Variants in KIF24 observed in about 807,000 individuals in gnomAD.
KIF24 encodes kinesin family member 24.
In KIF24, 81 loss-of-function variants were observed where a neutral mutation model predicts 118.9. The observed-to-expected ratio is 0.68, with a 90% confidence interval of 0.57 to 0.82. The LOEUF is 0.82. Among genes scored for constraint, KIF24 ranks in the 40% least tolerant of loss-of-function variants. The pLI, the probability that KIF24 is intolerant of heterozygous loss-of-function variation, is 0.00. For synonymous variants in KIF24, 599 were observed against 610.0 expected (o/e 0.98, Z 0.27); for missense variants, 1,560 against 1,661.6 (o/e 0.94, Z 1.06).
intron 3 of KIF24, among the ~76,000 whole-genome samples, 153 bp from the exon 4 acceptor site, chr9:34,297,267 T>C (rs574016204): frequency 6.6e-6 from 1 of 152,234 alleles, no homozygotes; most frequent in African/African-American, 2.4e-5. Context: ...CACTATTAAA[T>C]GACAGGGCCT....
At chr9:34,311,765 T>TATATATAC (rs1563961653) in intron 1 of KIF24, among the ~76,000 whole-genome samples, 3 of 145,110 alleles carry the variant, frequency 2.1e-5, no homozygotes, top group African/African-American at 7.6e-5. Context: ...TGTGTATATA[T>TATATATAC]ACATATATAT....
upstream of KIF24, among the ~76,000 whole-genome samples, chr9:34,331,382 G>A (rs748594645): frequency 2.0e-5 from 3 of 152,336 alleles, no homozygotes; most frequent in South Asian, 6.2e-4. Context: ...CAAAGTAGGT[G>A]TTAACTTCAT....
intron 9 of KIF24, among the ~76,000 whole-genome samples, chr9:34,262,370 T>A (rs572697078): frequency 2.2e-4 from 33 of 152,152 alleles, no homozygotes; most frequent in African/African-American, 7.2e-4. Context: ...AGGCTGAGTA[T>A]CCCTTCTCCG....
chr9:34,286,833 T>A (rs1479750565), intron 5 of KIF24, 129 bp from the exon 6 acceptor site: 3 of 667,486 alleles, frequency 4.5e-6, no homozygotes, highest in Non-Finnish European at 8.0e-6. Flanking sequence ...TGGATGCTTA[T>A]CCTCCTCCCA....
chr9:34,280,753 A>G (rs1456884011), intron 6 of KIF24, among the ~76,000 whole-genome samples: 1 of 152,326 alleles, frequency 6.6e-6, no homozygotes, highest in East Asian at 1.9e-4. Context: ...CAGGAATCTA[A>G]TAACGCAAAC....
At position 34,257,521 on chromosome 9, in the gene KIF24, G is replaced by T; in HGVS notation, c.2086C>A (p.Arg696Ser). ...RASGPGEGLV[R>S]GKLSTKCKKV... ...TTGCACTTGGTGGACAGCTTACCACGCACTAGGCCTTCTCCTGGGCCTGAG... is the reference window on the plus strand; with the variant it reads ...TTGCACTTGGTGGACAGCTTACCACTCACTAGGCCTTCTCCTGGGCCTGAG... The change falls in exon 11 of 13, where the codon CGT becomes AGT. Residue 696 changes from arginine to serine, a missense_variant. By Grantham distance (110) the Arg-to-Ser change is moderately radical. Coordinates refer to ENST00000402558, the MANE Select transcript of KIF24 (RefSeq NM_194313.4). 6.2e-7 allele frequency: 1 copy of T among 1,614,046 alleles called. No individual in the cohort carries two copies. Among genetic ancestry groups the T allele is most frequent in the Non-Finnish European group, 8.5e-7 (1 of 1,179,894 alleles).
chr9:34,283,200 C>T (rs189495694), intron 6 of KIF24, among the ~76,000 whole-genome samples: 1 of 151,874 alleles, frequency 6.6e-6, no homozygotes, highest in Admixed American at 6.6e-5. Flanking sequence ...AACCCCATCT[C>T]TACTAAAAAT....
intron 6 of KIF24, among the ~76,000 whole-genome samples, chr9:34,275,465 G>A (rs1195756651): frequency 6.6e-6 from 1 of 152,082 alleles, no homozygotes; most frequent in Non-Finnish European, 1.5e-5. Flanking sequence ...AACTTTGGGA[G>A]GCTGAGGTAG....
chr9:34,311,080 T>C lies in KIF24; in HGVS notation c.267A>G (p.Glu89=). The change falls in exon 2 of 13, where the codon GAA becomes GAG. Residue 89 remains glutamate, a synonymous_variant. Transcript: ENST00000402558. ...GCTGTCTGCGAGGGCCAGATCTTAATTCCTGAGATTTGATGCGCAGGCTGC... is the reference window on the plus strand; with the variant it reads ...GCTGTCTGCGAGGGCCAGATCTTAACTCCTGAGATTTGATGCGCAGGCTGC... The part of the protein sequence containing the change: ...QTSSLRIKSQ[E]LRSGPRRQLN... 6.2e-7 allele frequency: 1 copy of C among 1,613,872 alleles called. No individual in the cohort carries two copies. Among genetic ancestry groups the C allele is most frequent in the South Asian group, 1.1e-5 (1 of 91,054 alleles).
rs372505876 is a variant in KIF24, at chr9:34,256,869, C to T, written c.2738G>A (p.Ser913Asn). The T allele has an allele frequency of 6.2e-7, 1 of 1,613,888 alleles. No homozygotes were observed. The highest frequency in any genetic ancestry group is 1.7e-5 in the Admixed American group (1 of 60,006). Reference protein sequence around the residue: ...RAALDHSCSPSKGPVDWSREN... With the variant: ...RAALDHSCSPNKGPVDWSREN... Reference sequence around the variant, plus strand: ...TCTGCTCCAGTCCACGGGCCCCTTACTTGGGCTGCAGCTGTGATCGAGTGC... The same window carrying T: ...TCTGCTCCAGTCCACGGGCCCCTTATTTGGGCTGCAGCTGTGATCGAGTGC... The change falls in exon 11 of 13, where the codon AGT (serine) becomes AAT (asparagine). Residue 913 changes from serine (S) to asparagine (N), a missense_variant. By Grantham distance (46) the Ser-to-Asn change is conservative (BLOSUM62 1). This residue lies in a region of KIF24 where 591 missense variants were observed against 655.6 expected (regional missense o/e 0.90). Transcript: ENST00000402558.
chr9:34,267,347 A>T (rs1835333543), intron 8 of KIF24, among the ~76,000 whole-genome samples: 1 of 152,168 alleles, frequency 6.6e-6, no homozygotes, highest in Non-Finnish European at 1.5e-5. Flanking sequence ...ACAACACTTG[A>T]ATCTCTTTTC....
intron 4 of KIF24, among the ~76,000 whole-genome samples, 173 bp downstream of exon 4, chr9:34,296,844 G>A (rs754882783): frequency 5.3e-5 from 8 of 151,608 alleles, no homozygotes; most frequent in Non-Finnish European, 1.0e-4. Context: ...TAAATCCTTG[G>A]TAAATCCTAT....
Position 34,286,768 on chromosome 9 carries a change from C to G in KIF24, c.1128-64G>C, listed in dbSNP as rs758924507. On this transcript the variant is annotated intron_variant, in intron 5 of 12. Coordinates refer to ENST00000402558, the MANE Select transcript of KIF24 (RefSeq NM_194313.4). ...TAAAACAGACTTTGTTCTTGCCTCC[C>G]CAGAAACCATTCCACCATTCCTCTA... is the stretch of plus-strand genomic sequence containing the variant. 124 of 1,097,866 alleles carry G rather than the reference C, an allele frequency of 1.1e-4. No homozygotes were observed. In the Middle Eastern group the frequency reaches 1.2e-3, roughly 10 times the overall value. 68.0% of individuals were successfully genotyped at this position (1,097,866 alleles called of 1,614,324 possible). A position where few individuals can be genotyped will look rare whatever the true frequency, so the allele number is the denominator to read the frequency against.
chr9:34,295,194 TAGAC>T (rs111912796), intron 4 of KIF24, among the ~76,000 whole-genome samples: 54,914 of 149,390 alleles, frequency 0.37, 10,991 homozygotes, highest in Non-Finnish European at 0.46. Flanking sequence ...GATGGATGGA[TAGAC>T]AGACAGACAG....
At chr9:34,300,940 C>T (rs10972043) in intron 3 of KIF24, among the ~76,000 whole-genome samples, 71,742 of 150,298 alleles carry the variant, frequency 0.48, 19,985 homozygotes, top group South Asian at 0.64. Flanking sequence ...GAGTATATGG[C>T]AATTCTGTCT....
At chr9:34,330,185 C>G (rs1837857221), upstream of KIF24, among the ~76,000 whole-genome samples, 1 of 152,148 alleles carries the variant, frequency 6.6e-6, no homozygotes, top group Non-Finnish European at 1.5e-5. Context: ...GGGCGGATCA[C>G]GAGGTCAGGA....
chr9:34,317,307 T>C (rs1444832270), intron 1 of KIF24, among the ~76,000 whole-genome samples: 1 of 151,794 alleles, frequency 6.6e-6, no homozygotes, highest in Non-Finnish European at 1.5e-5. Flanking sequence ...GGAGAATCAC[T>C]TGACCGTGGG....
At chr9:34,259,354 T>C (rs1250759700) in intron 10 of KIF24, among the ~76,000 whole-genome samples, 4 of 152,246 alleles carry the variant, frequency 2.6e-5, no homozygotes, top group Non-Finnish European at 5.9e-5. Flanking sequence ...CAAGGGAATG[T>C]GTCATTTTCC....
chr9:34,301,216 T>C (rs1304606069), intron 3 of KIF24, among the ~76,000 whole-genome samples: 2 of 152,188 alleles, frequency 1.3e-5, no homozygotes, highest in Non-Finnish European at 2.9e-5. Context: ...AACACCTACG[T>C]TGACCTTACT....
Sources: gnomAD v4.1 joint callset for allele counts (sites outside exome capture counted in the v4.1 genomes callset) on GRCh38, gnomAD v4.1.1 for gene constraint, gnomAD v4.1.1 regional missense constraint, MANE v1.5 for transcripts, NCBI Gene and HGNC (gene_info 2026-07-23, HGNC 2026-07-21) for gene names.